ADIPOQ: variants seen among roughly 807,000 people sequenced by gnomAD.
ADIPOQ encodes the protein adiponectin.
In ADIPOQ, 19 loss-of-function variants were observed where a neutral mutation model predicts 16.1. The ratio of observed to expected loss-of-function variants is 1.18; its 90% CI spans 0.82 to 1.73. ADIPOQ has a LOEUF of 1.73. Among genes scored for constraint, ADIPOQ ranks in the 40% most tolerant of loss-of-function variants. The pLI, the probability that ADIPOQ is intolerant of heterozygous loss-of-function variation, is 0.00. For missense variants in ADIPOQ, 323 were observed against 308.3 expected, an observed-to-expected ratio of 1.05 and a Z score of -0.36; for synonymous variants, 124 against 125.5, an observed-to-expected ratio of 0.99 and a Z score of 0.08.
Position 186,854,931 on chromosome 3 carries a change from A to T in ADIPOQ, c.*227A>T. 1.6e-6 allele frequency: 1 copy of T among 624,592 alleles called. No homozygotes were observed. The allele number at this position is 624,592 out of a possible 1,614,324, so 38.7% of individuals were successfully genotyped here. A position where few individuals can be genotyped will look rare whatever the true frequency, so the allele number is the denominator to read the frequency against. On this transcript the variant is annotated 3_prime_UTR_variant, in exon 3 of 3. Transcript: ENST00000320741. ...AACATGACCAGATAACTGACTAGAAAGAAGTAGTTGACAGTGCTATTTTGT... is the reference window on the plus strand; with the variant it reads ...AACATGACCAGATAACTGACTAGAATGAAGTAGTTGACAGTGCTATTTTGT...
intron 1 of ADIPOQ, among the ~76,000 whole-genome samples, chr3:186,847,162 A>C (rs1711599972): frequency 6.6e-6 from 1 of 152,190 alleles, no homozygotes; most frequent in African/African-American, 2.4e-5. Context: ...ACACCATTTG[A>C]TCTTCCAACA....
At chr3:186,843,674 AAAG>A (rs1711509096) in intron 1 of ADIPOQ, among the ~76,000 whole-genome samples, 1 of 151,110 alleles carries the variant, frequency 6.6e-6, no homozygotes, top group Non-Finnish European at 1.5e-5. Flanking sequence ...AAAAAAAAAA[AAAG>A]AAAGAAAAGA....
intron 1 of ADIPOQ, among the ~76,000 whole-genome samples, chr3:186,850,218 C>T (rs143712570): frequency 0.052 from 7,279 of 141,052 alleles, 228 homozygotes; most frequent in South Asian, 0.11. Context: ...TGTAGTGAGC[C>T]GAGATTGTGC....
chr3:186,854,239 T>A lies in ADIPOQ; in HGVS notation c.270T>A (p.Gly90=). The A allele has an allele frequency of 6.2e-7, 1 of 1,613,516 alleles. No homozygotes were observed. Among genetic ancestry groups the A allele is most frequent in the South Asian group, 1.1e-5 (1 of 91,064 alleles). The change falls in exon 3 of 3, where the codon GGT becomes GGA. Residue 90 remains glycine, a synonymous_variant. Transcript: ENST00000320741. ...AAACCGGAGTACCCGGGGCTGAAGG[T>A]CCCCGAGGCTTTCCGGGAATCCAAG... ...IGETGVPGAE[G]PRGFPGIQGR...
intron 1 of ADIPOQ, among the ~76,000 whole-genome samples, chr3:186,843,271 G>A (rs927509288): frequency 2.0e-4 from 31 of 152,152 alleles, no homozygotes; most frequent in South Asian, 6.2e-4. Flanking sequence ...CTAGACAGTG[G>A]ATTGGGTTCA....
chr3:186,853,193 G>A lies in ADIPOQ; in HGVS notation c.135G>A (p.Gly45=), dbSNP rs892192374. 6 of 1,613,932 alleles carry A rather than the reference G, an allele frequency of 3.7e-6. No homozygotes were observed. Among genetic ancestry groups the A allele is most frequent in the Middle Eastern group, 1.6e-4 (1 of 6,084 alleles). Residue 45 remains glycine (G), a synonymous_variant, in exon 2 of 3, where the codon GGG becomes GGA. Coordinates refer to ENST00000320741, the MANE Select transcript of ADIPOQ (RefSeq NM_004797.4). ...ACTGWMAGIP[G]HPGHNGAPGR... is the part of the protein sequence containing the mutation. ...CAGGTTGGATGGCGGGCATCCCAGG[G>A]CATCCGGGCCATAATGGGGCCCCAG...
At position 186,857,572 on chromosome 3, in the gene ADIPOQ, T is replaced by C. The variant is rs199666666; in HGVS notation, c.*2868T>C. ...TTACCCTAAACTCTCTGGGGCAGGG[T>C]TATTCCTTTGTGGAACCAGAGGCAC... is the stretch of plus-strand genomic sequence containing the variant. On this transcript the variant is annotated 3_prime_UTR_variant, in exon 3 of 3. Coordinates refer to ENST00000320741, the MANE Select transcript of ADIPOQ (RefSeq NM_004797.4). The C allele has an allele frequency of 1.3e-5, 2 of 152,164 alleles. No homozygotes were observed. Among genetic ancestry groups the C allele is most frequent in the Non-Finnish European group, 2.9e-5 (2 of 68,030 alleles). 9.4% of individuals were successfully genotyped at this position (152,164 alleles called of 1,614,324 possible).
At position 186,842,847 on chromosome 3, in the gene ADIPOQ, G is replaced by A. The variant is rs116454583; in HGVS notation, c.-9+98G>A. The A allele has an allele frequency of 4.7e-3, 723 of 152,420 alleles. 4 individuals are homozygous for A. Among genetic ancestry groups the A allele is most frequent in the African/African-American group, 0.017 (699 of 41,578 alleles). The allele number at this position is 152,420 out of a possible 1,614,324, so 9.4% of individuals were successfully genotyped here. ...CTCTCCCGTCCGTAGTAGTGTGGGA[G>A]TGGATACAGGTGGATACTCTGGTCA... is the stretch of plus-strand genomic sequence containing the variant. On this transcript the variant is annotated intron_variant, in intron 1 of 2. Transcript: ENST00000320741.
intron 1 of ADIPOQ, 47 bp from the exon 2 acceptor site, chr3:186,853,004 T>A: frequency 6.3e-7 from 1 of 1,598,018 alleles, no homozygotes; most frequent in South Asian, 1.1e-5. Flanking sequence ...TGGGTGTGTG[T>A]GTGGGGTCTG....
intron 1 of ADIPOQ, among the ~76,000 whole-genome samples, chr3:186,850,782 T>C (rs951408507): frequency 3.3e-5 from 5 of 152,042 alleles, no homozygotes; most frequent in Admixed American, 1.3e-4. Flanking sequence ...GGAATAAAGT[T>C]TTACATAAAG....
chr3:186,847,974 C>A (rs943656126), intron 1 of ADIPOQ, among the ~76,000 whole-genome samples: 2 of 151,994 alleles, frequency 1.3e-5, no homozygotes, highest in South Asian at 2.1e-4. Flanking sequence ...GAGTTTGAGA[C>A]CAGCCCGGCC....
chr3:186,848,785 T>C (rs1711655008), intron 1 of ADIPOQ, among the ~76,000 whole-genome samples: 1 of 152,222 alleles, frequency 6.6e-6, no homozygotes, highest in African/African-American at 2.4e-5. Flanking sequence ...ACAAATAATT[T>C]TGAAAATTTT....
intron 1 of ADIPOQ, among the ~76,000 whole-genome samples, chr3:186,843,782 G>A (rs1034805882): frequency 3.3e-5 from 5 of 152,074 alleles, no homozygotes; most frequent in African/African-American, 1.2e-4. Flanking sequence ...TCTGACAGAA[G>A]AAACTGGATC....
chr3:186,843,678 A>AAAAG (rs1553804543), intron 1 of ADIPOQ, among the ~76,000 whole-genome samples: 2 of 145,908 alleles, frequency 1.4e-5, no homozygotes, highest in African/African-American at 5.1e-5. Context: ...AAAAAAAAAG[A>AAAAG]AAGAAAAGAA....
chr3:186,848,383 T>A (rs1443568213), intron 1 of ADIPOQ, among the ~76,000 whole-genome samples: 1 of 152,024 alleles, frequency 6.6e-6, no homozygotes, highest in Non-Finnish European at 1.5e-5. Context: ...TTTTATATGT[T>A]TGTCGTTTTA....
rs374868336 is a variant in ADIPOQ, at chr3:186,854,634, A to G, written c.665A>G (p.Asn222Ser). The change falls in exon 3 of 3, where the codon AAT becomes AGT. Residue 222 changes from asparagine to serine, a missense_variant. Physicochemically the swap from Asn to Ser is conservative, Grantham distance 46. Transcript: ENST00000320741. ...WLQVYGEGER[N>S]GLYADNDNDS... The stretch of plus-strand genomic sequence containing the variant: ...CAGGTGTATGGGGAAGGAGAGCGTA[A>G]TGGACTCTATGCTGATAATGACAAT... 10 of 1,614,036 alleles carry G rather than the reference A, an allele frequency of 6.2e-6. No homozygotes were observed. Among genetic ancestry groups the G allele is most frequent in the Middle Eastern group, 1.6e-4 (1 of 6,084 alleles).
chr3:186,854,101 C>T, intron 2 of ADIPOQ, 83 bp from the exon 3 acceptor site: 1 of 1,460,992 alleles, frequency 6.8e-7, no homozygotes, highest in Non-Finnish European at 9.3e-7. Flanking sequence ...TGAGTGGGAG[C>T]CACAGGGATG....
Position 186,855,946 on chromosome 3 carries a change from CT to C in ADIPOQ, c.*1243del, listed in dbSNP as rs1471351044. 2 of 152,252 alleles carry C rather than the reference CT, an allele frequency of 1.3e-5. No individual in the cohort carries two copies. Among genetic ancestry groups the C allele is most frequent in the African/African-American group, 4.8e-5 (2 of 41,444 alleles). The allele number at this position is 152,252 out of a possible 1,614,324, so 9.4% of individuals were successfully genotyped here. ...TACCCAGAATTAACTCCATTCCAGT[CT>C]CTGCATGTAATCAGTTTTATCCACA... is the stretch of plus-strand genomic sequence containing the variant. On this transcript the variant is annotated 3_prime_UTR_variant, in exon 3 of 3. Transcript: ENST00000320741.
chr3:186,844,642 C>T (rs1399455938), intron 1 of ADIPOQ, among the ~76,000 whole-genome samples: 3 of 152,096 alleles, frequency 2.0e-5, no homozygotes, highest in Non-Finnish European at 2.9e-5. Context: ...TTCCCAGGCT[C>T]AAGTGACCCT....
Sources: allele counts gnomAD v4.1 joint callset (sites outside exome capture counted in the v4.1 genomes callset), GRCh38; gene constraint gnomAD v4.1.1; transcripts MANE v1.5; gene names NCBI Gene and HGNC (gene_info 2026-07-23, HGNC 2026-07-21).